The following RERE variants were observed in gnomAD, a reference collection of about 807,000 sequenced individuals.
The protein encoded by RERE is arginine-glutamic acid dipeptide repeats protein.
RERE carries 40 observed loss-of-function variants against 146.1 expected under a neutral mutation model. The observed-to-expected ratio is 0.27, with a 90% confidence interval of 0.21 to 0.36. RERE has a LOEUF of 0.36. RERE is among the 10% of genes least tolerant of loss of function. The pLI is 1.00. For missense variants in RERE, 1,933 were observed against 2,138.7 expected, an observed-to-expected ratio of 0.90 and a Z score of 1.90; for synonymous variants, 1,003 against 866.0, an observed-to-expected ratio of 1.16 and a Z score of -2.78.
intron 2 of RERE, among the ~76,000 whole-genome samples, chr1:8,636,981 G>A (rs1647109743): frequency 6.6e-6 from 1 of 152,038 alleles, no homozygotes; most frequent in Admixed American, 6.5e-5. Context: ...TTTTAAATCG[G>A]CAAAATATTT....
rs184416759 is a variant in RERE, at chr1:8,642,328, G to A, written c.325+13645C>T. 2.3e-3 allele frequency among the ~76,000 whole-genome samples: 346 copies of A among 152,200 alleles called. 7 individuals carry two copies. The highest frequency in any genetic ancestry group is 0.018 in the Admixed American group (278 of 15,292). On this transcript the variant is annotated intron_variant, in intron 2 of 22. Coordinates refer to ENST00000400908, the MANE Select transcript of RERE (RefSeq NM_001042681.2). ...GCACAGAGGCTGTCCTCTACTCCACGTTAACCCACCAGCAGTGGGGTACTA... is the reference window on the plus strand; with the variant it reads ...GCACAGAGGCTGTCCTCTACTCCACATTAACCCACCAGCAGTGGGGTACTA...
At chr1:8,631,105 G>C (rs376661361) in intron 2 of RERE, among the ~76,000 whole-genome samples, 97 of 152,288 alleles carry the variant, frequency 6.4e-4, no homozygotes, top group African/African-American at 2.2e-3. Flanking sequence ...AAGTTGAGGG[G>C]AACAGGTCAT....
chr1:8,670,503 T>C (rs1570589742), intron 1 of RERE, among the ~76,000 whole-genome samples: 1 of 152,100 alleles, frequency 6.6e-6, no homozygotes, highest in African/African-American at 2.4e-5. Context: ...ACAGACACAG[T>C]CTGTAAGTTG....
chr1:8,388,229 G>T (rs1217765247), intron 12 of RERE, among the ~76,000 whole-genome samples: 1 of 152,218 alleles, frequency 6.6e-6, no homozygotes, highest in Non-Finnish European at 1.5e-5. Flanking sequence ...GGAAAAGGAG[G>T]GGGGTTATAG....
rs562813154 is a variant in RERE, at chr1:8,386,993, T to C, written c.1285-21019A>G. On this transcript the variant is annotated intron_variant, in intron 12 of 22. Coordinates refer to ENST00000400908, the MANE Select transcript of RERE (RefSeq NM_001042681.2). ...GGTTAGTTTGTGGAACAAGACAAGC[T>C]GATTTTAAAAATTTTAAAGAAGAAT... Among the ~76,000 whole-genome samples, 6 of 152,314 alleles carry C rather than the reference T, an allele frequency of 3.9e-5. No homozygotes were observed. In the East Asian group the frequency reaches 1.2e-3, roughly 29 times the overall value.
At chr1:8,648,283 G>A (rs971089649) in intron 2 of RERE, among the ~76,000 whole-genome samples, 1 of 152,164 alleles carries the variant, frequency 6.6e-6, no homozygotes, top group Admixed American at 6.5e-5. Flanking sequence ...CCAGGCTGCA[G>A]TGCAGTGGTG....
intron 4 of RERE, among the ~76,000 whole-genome samples, chr1:8,613,301 A>G (rs1282939994): frequency 2.0e-5 from 3 of 152,152 alleles, no homozygotes; most frequent in Non-Finnish European, 4.4e-5. Flanking sequence ...AGCCCCATTT[A>G]TATCTCCACA....
intron 12 of RERE, among the ~76,000 whole-genome samples, chr1:8,389,383 A>T (rs2124422806): frequency 6.6e-6 from 1 of 152,306 alleles, no homozygotes; most frequent in East Asian, 1.9e-4. Flanking sequence ...TGTGACGTCA[A>T]CGCCTTGTTC....
Position 8,656,252 on chromosome 1 carries a change from C to T in RERE, c.46G>A (p.Asp16Asn). 1 of 1,613,496 alleles carries T rather than the reference C, an allele frequency of 6.2e-7. No individual in the cohort carries two copies. The change falls in exon 2 of 23, where the codon GAC becomes AAC. Residue 16 changes from aspartate to asparagine, a missense_variant. Physicochemically the swap from Asp to Asn is conservative, Grantham distance 23. Coordinates refer to ENST00000400908, the MANE Select transcript of RERE (RefSeq NM_001042681.2). ...DKDKDKEKDR[D>N]RDRDREREKR... ...TCTCTCTCTCGGTCCCGGTCTCGGT[C>T]CCGGTCCTTCTCTTTGTCTTTGTCT...
chr1:8,656,571 T>A, intron 1 of RERE, 130 bp from the exon 2 acceptor site: 1 of 373,490 alleles, frequency 2.7e-6, no homozygotes. Context: ...AGGAGAAAAA[T>A]TAAGTGTTAA....
At chr1:8,558,404 G>T (rs367721542) in intron 4 of RERE, among the ~76,000 whole-genome samples, 1 of 152,208 alleles carries the variant, frequency 6.6e-6, no homozygotes. Flanking sequence ...GGTTCCCTGC[G>T]GCCTCCTAAA....
intron 6 of RERE, among the ~76,000 whole-genome samples, chr1:8,544,568 G>C (rs1031010451): frequency 6.6e-6 from 1 of 152,126 alleles, no homozygotes; most frequent in African/African-American, 2.4e-5. Flanking sequence ...AGCTTTAGAA[G>C]AGGAAAAAAT....
chr1:8,502,370 T>C (rs1259088474), intron 8 of RERE, among the ~76,000 whole-genome samples: 140 of 98,578 alleles, frequency 1.4e-3, no homozygotes, highest in African/African-American at 5.1e-3. Flanking sequence ...CCAGCCGCCC[T>C]ATCCAGGAGG....
chr1:8,634,494 C>T (rs1246045472), intron 2 of RERE, among the ~76,000 whole-genome samples: 1 of 152,200 alleles, frequency 6.6e-6, no homozygotes, highest in African/African-American at 2.4e-5. Flanking sequence ...ATCTAATACA[C>T]TTCATTAAAT....
At chr1:8,472,100 C>T (rs1216941490) in intron 10 of RERE, among the ~76,000 whole-genome samples, 1 of 152,234 alleles carries the variant, frequency 6.6e-6, no homozygotes, top group Admixed American at 6.5e-5. Context: ...GCATGAGTCA[C>T]TGCACCCAGC....
intron 11 of RERE, chr1:8,465,111 CTG>C (rs1313712514): frequency 6.5e-6 from 1 of 152,674 alleles, no homozygotes; most frequent in African/African-American, 2.4e-5. Flanking sequence ...ATACTGAAGA[CTG>C]TATTTGCAAA....
intron 16 of RERE, 108 bp downstream of exon 16, chr1:8,362,575 G>C (rs563797319): frequency 4.3e-6 from 6 of 1,402,358 alleles, no homozygotes; most frequent in Non-Finnish European, 6.0e-6. Context: ...CAGGCTCCAT[G>C]AATGAGCTGC....
At chr1:8,404,759 G>A (rs1643391137) in intron 12 of RERE, among the ~76,000 whole-genome samples, 1 of 152,218 alleles carries the variant, frequency 6.6e-6, no homozygotes, top group African/African-American at 2.4e-5. Flanking sequence ...CCTTACAAGG[G>A]TGGGCTAGGT....
chr1:8,493,634 G>A (rs1391030474), intron 10 of RERE, among the ~76,000 whole-genome samples: 2 of 152,132 alleles, frequency 1.3e-5, no homozygotes, highest in South Asian at 2.1e-4. Context: ...TCATCTAGCC[G>A]CCTCGGATTC....
Sources: allele counts gnomAD v4.1 joint callset (sites outside exome capture counted in the v4.1 genomes callset), GRCh38; gene constraint gnomAD v4.1.1; transcripts MANE v1.5; gene names NCBI Gene and HGNC (gene_info 2026-07-23, HGNC 2026-07-21).